Variants in FRMD4A observed in about 807,000 individuals in gnomAD.
FRMD4A encodes FERM domain containing 4A, also known as FERM domain-containing protein 4A.
FRMD4A carries 29 observed loss-of-function variants against 129.1 expected under a neutral mutation model. That is an observed-to-expected ratio of 0.22 (90% CI 0.17 to 0.31). The LOEUF is 0.31. Among genes scored for constraint, FRMD4A ranks in the 10% least tolerant of loss-of-function variants. FRMD4A has a pLI of 1.00. For missense variants in FRMD4A, 1,272 were observed against 1,375.8 expected (o/e 0.92, Z 1.19); for synonymous variants, 634 against 571.6 (o/e 1.11, Z -1.56).
At chr10:14,203,006 C>A (rs1842684189) in intron 2 of FRMD4A, among the ~76,000 whole-genome samples, 1 of 152,056 alleles carries the variant, frequency 6.6e-6, no homozygotes, top group Non-Finnish European at 1.5e-5. Flanking sequence ...CTCCTGGGTT[C>A]AAATGGTCCA....
At chr10:13,815,595 G>A (rs1295436765) in intron 3 of FRMD4A, among the ~76,000 whole-genome samples, 1 of 152,072 alleles carries the variant, frequency 6.6e-6, no homozygotes, top group Non-Finnish European at 1.5e-5. Context: ...GAAAAAGGGG[G>A]AAAGGAGGTC....
chr10:13,771,808 G>A (rs917562760), intron 6 of FRMD4A, among the ~76,000 whole-genome samples: 5 of 152,056 alleles, frequency 3.3e-5, no homozygotes, highest in Admixed American at 6.6e-5. Flanking sequence ...AGCTGGGTGC[G>A]GTGGCTCACG....
intron 2 of FRMD4A, among the ~76,000 whole-genome samples, chr10:14,257,232 G>A (rs1235877368): frequency 2.0e-5 from 3 of 152,168 alleles, no homozygotes; most frequent in Non-Finnish European, 4.4e-5. Context: ...CCAGGAGGCT[G>A]AGGCACAACA....
Position 13,909,520 on chromosome 10 carries a change from C to T in FRMD4A, c.46-50608G>A, listed in dbSNP as rs188756274. On this transcript the variant is annotated intron_variant, in intron 2 of 24. Transcript: ENST00000357447. The stretch of plus-strand genomic sequence containing the variant: ...GACCAGCATGGAAACATAAGATAAC[C>T]ACAAATGAATTCAAAATAAACAGTA... 2.0e-5 allele frequency among the ~76,000 whole-genome samples: 3 copies of T among 152,218 alleles called. No homozygotes were observed. The East Asian group carries it at 5.8e-4, about 29-fold the overall frequency.
chr10:14,300,722 C>T (rs1846155800), intron 2 of FRMD4A, among the ~76,000 whole-genome samples: 1 of 152,128 alleles, frequency 6.6e-6, no homozygotes, highest in South Asian at 2.1e-4. Context: ...GAAGACAGCT[C>T]CATCTAAGGA....
At chr10:13,810,212 T>G (rs1287746773) in intron 4 of FRMD4A, among the ~76,000 whole-genome samples, 1 of 152,242 alleles carries the variant, frequency 6.6e-6, no homozygotes, top group Non-Finnish European at 1.5e-5. Context: ...GTATACTCTT[T>G]TGATAACAGT....
At chr10:13,680,565 A>G (rs2084471727) in intron 15 of FRMD4A, among the ~76,000 whole-genome samples, 1 of 152,006 alleles carries the variant, frequency 6.6e-6, no homozygotes, top group African/African-American at 2.4e-5. Context: ...TCTTCTACTA[A>G]AAATACAAAA....
chr10:13,724,535 T>C (rs2089737098), intron 12 of FRMD4A, among the ~76,000 whole-genome samples: 2 of 152,210 alleles, frequency 1.3e-5, no homozygotes, highest in South Asian at 2.1e-4. Flanking sequence ...AGCGAGGCTA[T>C]TGGATGCTCC....
At chr10:14,294,159 C>T (rs1405756792) in intron 2 of FRMD4A, among the ~76,000 whole-genome samples, 1 of 152,158 alleles carries the variant, frequency 6.6e-6, no homozygotes, top group African/African-American at 2.4e-5. Flanking sequence ...GTTTCCTAAC[C>T]ATACTGGTAG....
chr10:13,886,747 G>T (rs2094627057), intron 2 of FRMD4A, among the ~76,000 whole-genome samples: 1 of 152,054 alleles, frequency 6.6e-6, no homozygotes, highest in East Asian at 1.9e-4. Context: ...ATGCTTGGCT[G>T]GTTTTTCAGG....
chr10:13,804,692 C>T (rs1199918940), intron 4 of FRMD4A, among the ~76,000 whole-genome samples: 1 of 149,666 alleles, frequency 6.7e-6, no homozygotes, highest in South Asian at 2.1e-4. Context: ...TTACAGGTGG[C>T]TGCCACCACA....
intron 8 of FRMD4A, among the ~76,000 whole-genome samples, 179 bp from the exon 9 acceptor site, chr10:13,747,998 A>G (rs2091376420): frequency 6.6e-6 from 1 of 152,232 alleles, no homozygotes. Flanking sequence ...AAACGAAGGC[A>G]GAACACACCA....
At position 13,728,573 on chromosome 10, in the gene FRMD4A, C is replaced by CTTTTTTTTTTTTTTTTTTTTTTTTTTTT. The variant is rs10706168; in HGVS notation, c.759+9270_759+9271insAAAAAAAAAAAAAAAAAAAAAAAAAAAA. On this transcript the variant is annotated intron_variant, in intron 12 of 24. Transcript: ENST00000357447. ...TCAGTGCTTTCAGGTGATTACCATT[C>CTTTTTTTTTTTTTTTTTTTTTTTTTTTT]TTTTTTTTTTTTTTTTTGAGATGGA... Among the ~76,000 whole-genome samples the CTTTTTTTTTTTTTTTTTTTTTTTTTTTT allele has an allele frequency of 3.2e-4, 25 of 78,354 alleles. 6 individuals are homozygous for CTTTTTTTTTTTTTTTTTTTTTTTTTTTT. Among genetic ancestry groups the CTTTTTTTTTTTTTTTTTTTTTTTTTTTT allele is most frequent in the African/African-American group, 4.7e-4 (10 of 21,266 alleles). The allele number at this position is 78,354 out of a possible 152,430, so 51.4% of individuals were successfully genotyped here. A position where few individuals can be genotyped will look rare whatever the true frequency, so the allele number is the denominator to read the frequency against.
In FRMD4A at chr10:14,241,715, A is replaced by G. The variant is rs866588552; in HGVS notation, c.45+88343T>C. 4.0e-3 allele frequency among the ~76,000 whole-genome samples: 513 copies of G among 127,900 alleles called. 14 individuals are homozygous for G. The highest frequency in any genetic ancestry group is 0.013 in the African/African-American group (467 of 36,668). The allele number at this position is 127,900 out of a possible 152,430, so 83.9% of individuals were successfully genotyped here. ...AAAAAAAAAAAAAAAAAAAAAAAAA[A>G]AAAAAAGAGCCAACTGAGAATTAAA... On this transcript the variant is annotated intron_variant, in intron 2 of 24. Coordinates refer to ENST00000357447, the MANE Select transcript of FRMD4A (RefSeq NM_018027.5).
chr10:13,754,323 T>A (rs2091765260), intron 8 of FRMD4A, among the ~76,000 whole-genome samples: 1 of 152,098 alleles, frequency 6.6e-6, no homozygotes. Flanking sequence ...ATCCAAATAC[T>A]TTTTTATGCT....
At chr10:13,782,653 A>C (rs528901361) in intron 6 of FRMD4A, among the ~76,000 whole-genome samples, 6 of 152,262 alleles carry the variant, frequency 3.9e-5, no homozygotes, top group African/African-American at 1.4e-4. Flanking sequence ...CACGTTGGCC[A>C]GGATAATCTC....
chr10:14,279,608 A>G (rs1420241146), intron 2 of FRMD4A, among the ~76,000 whole-genome samples: 1 of 152,206 alleles, frequency 6.6e-6, no homozygotes, highest in African/African-American at 2.4e-5. Flanking sequence ...TCCTTTAATC[A>G]GATCAAATTA....
intron 2 of FRMD4A, among the ~76,000 whole-genome samples, chr10:14,273,470 A>T (rs899462330): frequency 6.6e-6 from 1 of 152,244 alleles, no homozygotes. Context: ...CAAATGAAAT[A>T]TTAAAATTAG....
chr10:14,314,315 G>A (rs912182705), intron 2 of FRMD4A, among the ~76,000 whole-genome samples: 2 of 152,126 alleles, frequency 1.3e-5, no homozygotes, highest in Non-Finnish European at 2.9e-5. Flanking sequence ...CCAGTGAGCT[G>A]GCATGGTGGA....
Sources: gnomAD v4.1 joint callset for allele counts (sites outside exome capture counted in the v4.1 genomes callset) on GRCh38, gnomAD v4.1.1 for gene constraint, MANE v1.5 for transcripts, NCBI Gene and HGNC (gene_info 2026-07-23, HGNC 2026-07-21) for gene names.